The following CADPS2 variants were observed in gnomAD, a reference collection of about 807,000 sequenced individuals.
CADPS2 encodes calcium dependent secretion activator 2.
CADPS2 carries 93 observed loss-of-function variants against 172.5 expected under a neutral mutation model. That is an observed-to-expected ratio of 0.54 (90% CI 0.46 to 0.64). CADPS2 has a LOEUF of 0.64. Ranked by LOEUF, CADPS2 falls within the 30% of genes least tolerant of loss-of-function variation. The probability of loss-of-function intolerance (pLI) is 0.00; values close to 1 mark genes in which losing one functional copy is unlikely to be tolerated. For missense variants in CADPS2, 1,420 were observed against 1,565.9 expected (o/e 0.91, Z 1.57); for synonymous variants, 546 against 555.2 (o/e 0.98, Z 0.23).
At chr7:122,342,395 A>G (rs1422188106) in intron 28 of CADPS2, among the ~76,000 whole-genome samples, 2 of 152,190 alleles carry the variant, frequency 1.3e-5, no homozygotes, top group African/African-American at 2.4e-5. Context: ...CATCACAAAA[A>G]TCAGGAACAA....
chr7:122,676,595 A>T, intron 2 of CADPS2: 1 of 1,056,836 alleles, frequency 9.5e-7, no homozygotes, highest in Non-Finnish European at 1.4e-6. Flanking sequence ...ACACAGCATG[A>T]CTACAGAGAG....
chr7:122,620,287 C>T (rs2075436078), intron 5 of CADPS2, among the ~76,000 whole-genome samples: 1 of 152,078 alleles, frequency 6.6e-6, no homozygotes, highest in Admixed American at 6.6e-5. Flanking sequence ...TATTTACTCA[C>T]GGAATAAAAA....
intron 2 of CADPS2, chr7:122,702,621 T>C (rs1564110283): frequency 8.7e-6 from 14 of 1,613,464 alleles, no homozygotes; most frequent in Non-Finnish European, 1.1e-5. Flanking sequence ...TGAAATGTTA[T>C]ATTCAGGTGA....
chr7:122,513,944 T>C (rs187107577), intron 8 of CADPS2, among the ~76,000 whole-genome samples: 1 of 152,316 alleles, frequency 6.6e-6, no homozygotes, highest in Admixed American at 6.5e-5. Flanking sequence ...GAAGATGCCA[T>C]TGGGTAGTTT....
At chr7:122,398,120 CGAT>C (rs981004510) in intron 20 of CADPS2, among the ~76,000 whole-genome samples, 7 of 151,954 alleles carry the variant, frequency 4.6e-5, no homozygotes, top group African/African-American at 1.7e-4. Flanking sequence ...TGAAAATCCC[CGAT>C]AATAAATTAG....
At chr7:122,884,887 T>TG (rs1340971930) in intron 1 of CADPS2, among the ~76,000 whole-genome samples, 3 of 152,216 alleles carry the variant, frequency 2.0e-5, no homozygotes, top group African/African-American at 7.2e-5. Context: ...GAATTTACTC[T>TG]GAACTACAGT....
intron 24 of CADPS2, among the ~76,000 whole-genome samples, chr7:122,380,733 C>T (rs561144557): frequency 1.4e-3 from 208 of 152,082 alleles, no homozygotes; most frequent in African/African-American, 4.8e-3. Context: ...CTAAAATTAA[C>T]CACACTGATG....
intron 3 of CADPS2, among the ~76,000 whole-genome samples, chr7:122,645,463 G>T (rs1156345020): frequency 5.3e-5 from 5 of 94,524 alleles, no homozygotes; most frequent in African/African-American, 3.4e-5. Flanking sequence ...ATGTATATAT[G>T]TGTATATATG....
At position 122,541,221 on chromosome 7, in the gene CADPS2, C is replaced by T. The variant is rs1162859219; in HGVS notation, c.1475+13329G>A. On this transcript the variant is annotated intron_variant, in intron 8 of 29. Coordinates refer to ENST00000449022, the MANE Select transcript of CADPS2 (RefSeq NM_017954.11). Reference sequence around the variant, plus strand: ...ATGATTTTTTTTTTTTTTTTTGAGACGGAGTCTCACTGTTGCCCAGGTTGG... The same window carrying T: ...ATGATTTTTTTTTTTTTTTTTGAGATGGAGTCTCACTGTTGCCCAGGTTGG... Among the ~76,000 whole-genome samples, 8 of 143,172 alleles carry T rather than the reference C, an allele frequency of 5.6e-5. No homozygotes were observed. In the East Asian group the frequency reaches 1.0e-3, roughly 18 times the overall value. 93.9% of individuals were successfully genotyped at this position (143,172 alleles called of 152,430 possible). A position where few individuals can be genotyped will look rare whatever the true frequency, so the allele number is the denominator to read the frequency against.
intron 20 of CADPS2, among the ~76,000 whole-genome samples, chr7:122,406,872 G>T (rs1220322944): frequency 1.3e-5 from 2 of 152,000 alleles, no homozygotes; most frequent in Non-Finnish European, 1.5e-5. Flanking sequence ...GAGACTAAAT[G>T]AAACTTAAAA....
intron 2 of CADPS2, among the ~76,000 whole-genome samples, chr7:122,734,356 T>TAAACAAAAAAA (rs2091943081): frequency 2.2e-5 from 1 of 46,294 alleles, no homozygotes; most frequent in African/African-American, 9.0e-5. Flanking sequence ...CCAGAAATAG[T>TAAACAAAAAAA]AAAAAAAAAA....
chr7:122,755,720 T>G (rs540135524), intron 1 of CADPS2, among the ~76,000 whole-genome samples: 7 of 151,608 alleles, frequency 4.6e-5, no homozygotes, highest in African/African-American at 1.7e-4. Context: ...GAACAAAATT[T>G]AGAGAGGCTA....
Position 122,387,205 on chromosome 7 carries a change from A to C in CADPS2, c.3165-32T>G, listed in dbSNP as rs542308886. The C allele has an allele frequency of 3.0e-5, 47 of 1,555,906 alleles. No individual in the cohort carries two copies. The African/African-American group carries it at 5.8e-4, about 19-fold the overall frequency. On this transcript the variant is annotated intron_variant, in intron 23 of 29. Transcript: ENST00000449022. ...TTTAAAACATGAATTCAGAGTAAGAAATTCTGCTATACAGCTCACCTGTTT... is the reference window on the plus strand; with the variant it reads ...TTTAAAACATGAATTCAGAGTAAGACATTCTGCTATACAGCTCACCTGTTT...
intron 1 of CADPS2, among the ~76,000 whole-genome samples, chr7:122,762,310 G>A (rs1271894925): frequency 6.6e-6 from 1 of 151,778 alleles, no homozygotes; most frequent in Non-Finnish European, 1.5e-5. Context: ...AGAGAGAAGA[G>A]AAAGCTATTA....
intron 27 of CADPS2, among the ~76,000 whole-genome samples, chr7:122,347,104 A>C (rs798682): frequency 0.8 from 121,995 of 152,106 alleles, 49,364 homozygotes; most frequent in East Asian, 1. Context: ...ATTCACAGAA[A>C]GCATTTATAA....
At chr7:122,498,892 T>C (rs772661999) in intron 9 of CADPS2, among the ~76,000 whole-genome samples, 2 of 152,174 alleles carry the variant, frequency 1.3e-5, no homozygotes, top group Non-Finnish European at 2.9e-5. Flanking sequence ...TTTGTAATTT[T>C]AGATTGTGAG....
intron 28 of CADPS2, among the ~76,000 whole-genome samples, chr7:122,329,624 C>T (rs1028983408): frequency 1.7e-4 from 26 of 152,206 alleles, no homozygotes; most frequent in Admixed American, 1.6e-3. Context: ...TAAATATGCA[C>T]AACTCTCCTT....
chr7:122,369,142 C>CTT (rs774649759), intron 25 of CADPS2, among the ~76,000 whole-genome samples: 4 of 31,196 alleles, frequency 1.3e-4, no homozygotes, highest in East Asian at 1.8e-3. Context: ...CCCCCCCCCC[C>CTT]TTTTTTTTTT....
chr7:122,587,910 C>T (rs2070026259), intron 6 of CADPS2, among the ~76,000 whole-genome samples: 2 of 152,112 alleles, frequency 1.3e-5, no homozygotes, highest in Admixed American at 1.3e-4. Flanking sequence ...ACCATTCTGA[C>T]TGGCATGAGA....
Sources: allele counts gnomAD v4.1 joint callset (sites outside exome capture counted in the v4.1 genomes callset), GRCh38; gene constraint gnomAD v4.1.1; transcripts MANE v1.5; gene names NCBI Gene and HGNC (gene_info 2026-07-23, HGNC 2026-07-21).